The following MAML2 variants were observed in gnomAD, a reference collection of about 807,000 sequenced individuals.
MAML2 encodes mastermind like transcriptional coactivator 2.
Under a neutral mutation model 96.1 loss-of-function variants are expected in MAML2, and 22 were observed. That is an observed-to-expected ratio of 0.23 (90% CI 0.16 to 0.33). The LOEUF (loss-of-function observed/expected upper bound fraction) is 0.33, where lower values mean the gene tolerates loss of function less well. Ranked by LOEUF, MAML2 falls within the 10% of genes least tolerant of loss-of-function variation. The pLI is 1.00. For missense variants in MAML2, 1,367 were observed against 1,392.4 expected, an observed-to-expected ratio of 0.98 and a Z score of 0.29; for synonymous variants, 561 against 521.3, an observed-to-expected ratio of 1.08 and a Z score of -1.04.
intron 1 of MAML2, among the ~76,000 whole-genome samples, chr11:96,177,909 A>T (rs1861411369): frequency 2.3e-5 from 3 of 127,864 alleles, no homozygotes; most frequent in Admixed American, 1.6e-4. Flanking sequence ...ATATCTGGAG[A>T]CCTTAGTTGT....
intron 1 of MAML2, among the ~76,000 whole-genome samples, chr11:96,100,824 C>T (rs1859916862): frequency 6.6e-6 from 1 of 150,714 alleles, no homozygotes. Context: ...TGGCTCACTG[C>T]AGCCTCAACC....
In MAML2 at chr11:96,209,637, G is replaced by T. The variant is rs75991653; in HGVS notation, c.514-116120C>A. Among the ~76,000 whole-genome samples the T allele has an allele frequency of 5.5e-3, 833 of 151,778 alleles. 9 individuals carry two copies. Among genetic ancestry groups the T allele is most frequent in the African/African-American group, 0.019 (790 of 41,380 alleles). ...GCAAAGTATCAAGAAAAAAATAATT[G>T]TATTCTTTATTGGTATCCTGTAACA... On this transcript the variant is annotated intron_variant, in intron 1 of 4. Transcript: ENST00000524717.
At chr11:96,259,289 T>C (rs74891809) in intron 1 of MAML2, among the ~76,000 whole-genome samples, 1,707 of 152,324 alleles carry the variant, frequency 0.011, 13 homozygotes, top group Admixed American at 0.016. Context: ...CATGTGTTGA[T>C]AGACTATGGG....
intron 1 of MAML2, among the ~76,000 whole-genome samples, chr11:96,271,656 T>A (rs1862916675): frequency 6.6e-6 from 1 of 152,094 alleles, no homozygotes; most frequent in Non-Finnish European, 1.5e-5. Context: ...TGTGTTTGCT[T>A]CCCCTCCCAC....
At chr11:96,229,189 A>G (rs1359843106) in intron 1 of MAML2, among the ~76,000 whole-genome samples, 2 of 152,208 alleles carry the variant, frequency 1.3e-5, no homozygotes, top group African/African-American at 4.8e-5. Flanking sequence ...AATTTCTCAG[A>G]TAAGTCAAGA....
chr11:96,022,474 G>A (rs1020927177), intron 2 of MAML2, among the ~76,000 whole-genome samples: 19 of 152,184 alleles, frequency 1.2e-4, no homozygotes, highest in Non-Finnish European at 2.1e-4. Context: ...TTCGCTTGGT[G>A]GGAAGGGTAG....
At chr11:96,267,422 G>C (rs1862844649) in intron 1 of MAML2, among the ~76,000 whole-genome samples, 1 of 151,814 alleles carries the variant, frequency 6.6e-6, no homozygotes, top group South Asian at 2.1e-4. Flanking sequence ...TTCTAGCTAG[G>C]GGAAAAAAGA....
At chr11:96,318,720 G>A (rs1189512922) in intron 1 of MAML2, among the ~76,000 whole-genome samples, 2 of 152,138 alleles carry the variant, frequency 1.3e-5, no homozygotes, top group African/African-American at 4.8e-5. Context: ...TCTTTGTTTT[G>A]TTCCCTGATA....
chr11:95,982,840 T>A (rs1393628774), intron 4 of MAML2, among the ~76,000 whole-genome samples: 1 of 152,150 alleles, frequency 6.6e-6, no homozygotes, highest in Admixed American at 6.5e-5. Flanking sequence ...ATGGCTGTAT[T>A]TTAGAGGACA....
At chr11:96,175,534 A>C (rs1861373164) in intron 1 of MAML2, among the ~76,000 whole-genome samples, 1 of 152,192 alleles carries the variant, frequency 6.6e-6, no homozygotes, top group South Asian at 2.1e-4. Flanking sequence ...AAGGACATGG[A>C]AAGTCAGTGT....
At chr11:96,030,061 G>A (rs1040277341) in intron 2 of MAML2, among the ~76,000 whole-genome samples, 2 of 152,090 alleles carry the variant, frequency 1.3e-5, no homozygotes, top group East Asian at 1.9e-4. Context: ...GTGAAACCCC[G>A]TCTCTGCTAA....
At chr11:95,984,499 G>C (rs763211276) in intron 4 of MAML2, among the ~76,000 whole-genome samples, 1 of 152,116 alleles carries the variant, frequency 6.6e-6, no homozygotes, top group Non-Finnish European at 1.5e-5. Flanking sequence ...TGTTGCCCAG[G>C]CTGGCCTCGA....
chr11:96,168,069 A>C, intron 1 of MAML2, among the ~76,000 whole-genome samples: 1 of 152,172 alleles, frequency 6.6e-6, no homozygotes, highest in Non-Finnish European at 1.5e-5. Flanking sequence ...ATAGTAGTTA[A>C]GCTCATGGGT....
intron 1 of MAML2, among the ~76,000 whole-genome samples, chr11:96,206,390 G>A (rs1246930057): frequency 6.6e-6 from 1 of 152,202 alleles, no homozygotes; most frequent in East Asian, 1.9e-4. Context: ...GAAGTCAGGA[G>A]TTTGAGACCA....
intron 1 of MAML2, among the ~76,000 whole-genome samples, chr11:96,145,693 T>A (rs188147166): frequency 2.6e-5 from 4 of 152,260 alleles, no homozygotes; most frequent in African/African-American, 9.6e-5. Context: ...GATAAAATCA[T>A]GATGTGTGAG....
intron 2 of MAML2, among the ~76,000 whole-genome samples, chr11:96,059,343 A>G (rs1859118807): frequency 6.6e-6 from 1 of 152,224 alleles, no homozygotes; most frequent in African/African-American, 2.4e-5. Flanking sequence ...GTGAGTAGAT[A>G]AAAAGCAATA....
At position 96,186,615 on chromosome 11, in the gene MAML2, G is replaced by T. The variant is rs543995501; in HGVS notation, c.514-93098C>A. 6.6e-5 allele frequency among the ~76,000 whole-genome samples: 10 copies of T among 152,212 alleles called. No homozygotes were observed. In the East Asian group the frequency reaches 1.7e-3, roughly 26 times the overall value. ...AAAAAAAAATGTGATGAAAAGAGGG[G>T]CAGATGCAATGATAATTATTTTGTG... On this transcript the variant is annotated intron_variant, in intron 1 of 4. Transcript: ENST00000524717.
intron 1 of MAML2, among the ~76,000 whole-genome samples, chr11:96,141,947 G>A (rs1444884078): frequency 2.6e-5 from 4 of 152,164 alleles, no homozygotes; most frequent in Admixed American, 6.5e-5. Flanking sequence ...TAGCCAAGGC[G>A]TTGGGGCGAT....
At chr11:96,333,900 A>C (rs1474767804) in intron 1 of MAML2, among the ~76,000 whole-genome samples, 1 of 152,208 alleles carries the variant, frequency 6.6e-6, no homozygotes, top group Non-Finnish European at 1.5e-5. Flanking sequence ...AGATGGTTTA[A>C]ATTTCTCATT....
Sources: allele counts gnomAD v4.1 joint callset (sites outside exome capture counted in the v4.1 genomes callset), GRCh38; gene constraint gnomAD v4.1.1; transcripts MANE v1.5; gene names NCBI Gene and HGNC (gene_info 2026-07-23, HGNC 2026-07-21).